ELF4: variants seen among roughly 807,000 people sequenced by gnomAD.
ELF4 encodes the protein E74 like ETS transcription factor 4.
Under a neutral mutation model 31.7 loss-of-function variants are expected in ELF4, and 10 were observed. The ratio of observed to expected loss-of-function variants is 0.32; its 90% CI spans 0.19 to 0.54. ELF4 has a LOEUF of 0.54. Ranked by LOEUF, ELF4 falls within the 20% of genes least tolerant of loss-of-function variation. ELF4 has a pLI of 0.95. For synonymous variants in ELF4, 208 were observed against 226.7 expected, an observed-to-expected ratio of 0.92 and a Z score of 0.74; for missense variants, 418 against 522.0, an observed-to-expected ratio of 0.80 and a Z score of 1.94.
intron 1 of ELF4, among the ~76,000 whole-genome samples, chrX:130,083,060 A>C (rs1404656237): frequency 9.1e-6 from 1 of 109,736 alleles, no homozygotes; most frequent in Non-Finnish European, 1.9e-5. Context: ...CCTTTCCGTT[A>C]GCCCACAGGG....
chrX:130,078,495 C>T (rs1603202862), intron 2 of ELF4, among the ~76,000 whole-genome samples: 2 of 110,446 alleles, frequency 1.8e-5, no homozygotes, highest in Non-Finnish European at 3.8e-5. Flanking sequence ...TGGTGGCTTA[C>T]GCCTGTAATC....
chrX:130,065,387 A>C lies in ELF4; in HGVS notation c.*1334T>G, dbSNP rs1380883611. 1 of 173,601 alleles carries C rather than the reference A, an allele frequency of 5.8e-6. No homozygotes were observed. Among genetic ancestry groups the C allele is most frequent in the Admixed American group, 7.9e-5 (1 of 12,608 alleles). 14.3% of individuals were successfully genotyped at this position (173,601 alleles called of 1,213,427 possible). A position where few individuals can be genotyped will look rare whatever the true frequency, so the allele number is the denominator to read the frequency against. ...GGGAAGCAGGGAGCCACGAAGAGAG[A>C]GAGGTGCCACGGGAACTCCTGGCTG... On this transcript the variant is annotated 3_prime_UTR_variant, in exon 9 of 9. Coordinates refer to ENST00000308167, the MANE Select transcript of ELF4 (RefSeq NM_001421.4).
At position 130,101,808 on chromosome X, in the gene ELF4, AAAC is replaced by A. The variant is rs756065909; in HGVS notation, c.-210+8514_-210+8516del. On this transcript the variant is annotated intron_variant, in intron 1 of 8. Coordinates refer to ENST00000308167, the MANE Select transcript of ELF4 (RefSeq NM_001421.4). ...GAGGGAAACTCCGTCTCAAAAAACAAAACAAAACAAAACAAAACAAAACAAAAC... is the reference window on the plus strand; with the variant it reads ...GAGGGAAACTCCGTCTCAAAAAACAAAAAACAAAACAAAACAAAACAAAAC... 1.2e-3 allele frequency among the ~76,000 whole-genome samples: 126 copies of A among 104,704 alleles called. 1 individual carries two copies. The highest frequency in any genetic ancestry group is 3.5e-4 in the Non-Finnish European group (18 of 51,370). 90.9% of individuals were successfully genotyped at this position (104,704 alleles called of 115,157 possible).
Position 130,066,441 on chromosome X carries a change from C to G in ELF4, c.*280G>C. 2.7e-6 allele frequency: 1 copy of G among 374,116 alleles called. No homozygotes were observed. Among genetic ancestry groups the G allele is most frequent in the East Asian group, 4.4e-5 (1 of 22,940 alleles). The allele number at this position is 374,116 out of a possible 1,213,427, so 30.8% of individuals were successfully genotyped here. A position where few individuals can be genotyped will look rare whatever the true frequency, so the allele number is the denominator to read the frequency against. ...CTGCTGCACAAACCCTGGCCACAAA[C>G]TTCTGCCTGGCTCAAGGCTTTTTCC... On this transcript the variant is annotated 3_prime_UTR_variant, in exon 9 of 9. Coordinates refer to ENST00000308167, the MANE Select transcript of ELF4 (RefSeq NM_001421.4).
chrX:130,095,263 A>G (rs1417767149), intron 1 of ELF4, among the ~76,000 whole-genome samples: 1 of 112,083 alleles, frequency 8.9e-6, no homozygotes, highest in Non-Finnish European at 1.9e-5. Flanking sequence ...TTTATTTCCA[A>G]CTACTACACA....
At chrX:130,070,376 T>G (rs186377630) in intron 7 of ELF4, among the ~76,000 whole-genome samples, 1 of 110,448 alleles carries the variant, frequency 9.1e-6, no homozygotes, top group Non-Finnish European at 1.9e-5. Context: ...ATTGAAACCA[T>G]CCTGGCTAAC....
At chrX:130,072,520 C>T (rs1413231645) in intron 4 of ELF4, 103 bp from the exon 5 acceptor site, 20 of 837,386 alleles carry the variant, frequency 2.4e-5, no homozygotes, top group Middle Eastern at 3.4e-4. Context: ...GCGGGGGGCT[C>T]ATCCCCCCAG....
At chrX:130,080,163 T>A (rs1343476012) in intron 2 of ELF4, among the ~76,000 whole-genome samples, 1 of 111,672 alleles carries the variant, frequency 9.0e-6, no homozygotes, top group Non-Finnish European at 1.9e-5. Context: ...GGCTCACGCC[T>A]GTAATCCTAG....
At chrX:130,108,337 A>T (rs1244251563) in intron 1 of ELF4, among the ~76,000 whole-genome samples, 2 of 111,069 alleles carry the variant, frequency 1.8e-5, no homozygotes, top group Admixed American at 9.6e-5. Context: ...AAAAAACAAC[A>T]CTCTAAACGC....
intron 1 of ELF4, among the ~76,000 whole-genome samples, chrX:130,100,180 A>G (rs902508101): frequency 5.4e-5 from 6 of 111,104 alleles, no homozygotes; most frequent in Non-Finnish European, 1.1e-4. Context: ...TTGGAAAGCT[A>G]AAAACTAGGC....
At chrX:130,102,676 G>A (rs1933284049) in intron 1 of ELF4, among the ~76,000 whole-genome samples, 2 of 107,770 alleles carry the variant, frequency 1.9e-5, no homozygotes, top group African/African-American at 6.8e-5. Context: ...AATTAGCTGG[G>A]CATGGTGGCA....
In ELF4 at chrX:130,064,386, C is replaced by T. The variant is rs1314469582; in HGVS notation, c.*2335G>A. Among the ~76,000 whole-genome samples, 2 of 111,909 alleles carry T rather than the reference C, an allele frequency of 1.8e-5. No individual in the cohort carries two copies. The highest frequency in any genetic ancestry group is 3.2e-5 in the African/African-American group (1 of 30,787). On this transcript the variant is annotated 3_prime_UTR_variant, in exon 9 of 9. Transcript: ENST00000308167. ...CTGGGAGGCAGAGGTTGCAGTGAACCGAGATTGCACCACTGCACTCCAGCC... is the reference window on the plus strand; with the variant it reads ...CTGGGAGGCAGAGGTTGCAGTGAACTGAGATTGCACCACTGCACTCCAGCC...
At chrX:130,068,060 C>T (rs1245885752) in intron 8 of ELF4, among the ~76,000 whole-genome samples, 2 of 111,762 alleles carry the variant, frequency 1.8e-5, no homozygotes, top group African/African-American at 6.5e-5. Flanking sequence ...GATCCACCTG[C>T]CTCGGCCTCC....
At chrX:130,102,943 G>A (rs1194959454) in intron 1 of ELF4, among the ~76,000 whole-genome samples, 5 of 87,043 alleles carry the variant, frequency 5.7e-5, no homozygotes, top group African/African-American at 2.5e-4. Context: ...AGGGAGGGAG[G>A]AAGGAAGGAA....
chrX:130,103,592 C>T (rs760995308), intron 1 of ELF4, among the ~76,000 whole-genome samples: 22 of 112,334 alleles, frequency 2.0e-4, no homozygotes, highest in Non-Finnish European at 2.8e-4. Flanking sequence ...CAGAGCTGAA[C>T]TAGCCTCTGT....
At chrX:130,107,186 G>A (rs146609103) in intron 1 of ELF4, among the ~76,000 whole-genome samples, 45 of 111,980 alleles carry the variant, frequency 4.0e-4, no homozygotes, top group Admixed American at 1.1e-3. Flanking sequence ...CTAAGGCAGG[G>A]AGAAATGCTT....
rs780961855 is a variant in ELF4, at chrX:130,071,108, C to A, written c.741G>T (p.Val247=). 1.8e-5 allele frequency: 22 copies of A among 1,211,988 alleles called. No homozygotes were observed. The highest frequency in any genetic ancestry group is 2.2e-5 in the Non-Finnish European group (20 of 895,594). The change falls in exon 7 of 9, where the codon GTG becomes GTT. Residue 247 remains valine (V), a synonymous_variant. Transcript: ENST00000308167. ...TTTTCTGCTTCCCCCACAGCTTGGA[C>A]ACAGCTTTGGAGTCCACCAGTTTGA... ...GIFKLVDSKA[V]SKLWGKQKNK...
At position 130,066,284 on chromosome X, in the gene ELF4, A is replaced by G. The variant is rs890107061; in HGVS notation, c.*437T>C. 5.7e-5 allele frequency: 11 copies of G among 191,401 alleles called. No individual in the cohort carries two copies. The highest frequency in any genetic ancestry group is 1.1e-4 in the Non-Finnish European group (11 of 102,151). The allele number at this position is 191,401 out of a possible 1,213,427, so 15.8% of individuals were successfully genotyped here. A position where few individuals can be genotyped will look rare whatever the true frequency, so the allele number is the denominator to read the frequency against. Reference sequence around the variant, plus strand: ...CACAGCTACAGCCCTGTCCTCCCCAAAGAAACTAAGATACAGACCAACAAG... The same window carrying G: ...CACAGCTACAGCCCTGTCCTCCCCAGAGAAACTAAGATACAGACCAACAAG... On this transcript the variant is annotated 3_prime_UTR_variant, in exon 9 of 9. Transcript: ENST00000308167.
chrX:130,080,431 A>C (rs1473368380), intron 2 of ELF4, among the ~76,000 whole-genome samples: 3 of 108,232 alleles, frequency 2.8e-5, no homozygotes, highest in Admixed American at 1.0e-4. Flanking sequence ...TTCAAAAAAA[A>C]AAAAAAAAAA....
Sources: allele counts gnomAD v4.1 joint callset (sites outside exome capture counted in the v4.1 genomes callset), GRCh38; gene constraint gnomAD v4.1.1; transcripts MANE v1.5; gene names NCBI Gene and HGNC (gene_info 2026-07-23, HGNC 2026-07-21).